Variants in MKNK1 observed in about 807,000 individuals in gnomAD.
MKNK1 encodes MAP kinase-interacting serine/threonine-protein kinase 1.
MKNK1 carries 30 observed loss-of-function variants against 49.3 expected under a neutral mutation model. That is an observed-to-expected ratio of 0.61 (90% confidence interval 0.46 to 0.83). The LOEUF (loss-of-function observed/expected upper bound fraction) is 0.83, where lower values mean the gene tolerates loss of function less well. Ranked by LOEUF, MKNK1 falls within the 40% of genes least tolerant of loss-of-function variation. The pLI, the probability that MKNK1 is intolerant of heterozygous loss-of-function variation, is 0.00. For synonymous variants in MKNK1, 176 were observed against 201.7 expected, an observed-to-expected ratio of 0.87 and a Z score of 1.08; for missense variants, 423 against 524.7, an observed-to-expected ratio of 0.81 and a Z score of 1.89.
rs750698262 is a variant in MKNK1, at chr1:46,594,128, A to T, written c.-18T>A. The T allele has an allele frequency of 1.9e-6, 3 of 1,610,966 alleles. No individual in the cohort carries two copies. The highest frequency in any genetic ancestry group is 2.5e-6 in the Non-Finnish European group (3 of 1,177,556). The stretch of plus-strand genomic sequence containing the variant: ...CCAATCTTACCTATAGGTTTTTCCA[A>T]CTTTTGAGAAGATACCATCTGTAAA... On this transcript the variant is annotated 5_prime_UTR_variant, in exon 2 of 13. In the 5' UTR this introduces an upstream ATG that the reference lacks. Transcript: ENST00000371945.
At chr1:46,562,915 G>T in intron 9 of MKNK1, 72 bp from the exon 10 acceptor site, 1 of 1,253,168 alleles carries the variant, frequency 8.0e-7, no homozygotes, top group Non-Finnish European at 1.1e-6. Context: ...AGAGGGGATG[G>T]CAGAGAGCAG....
At chr1:46,568,591 G>A (rs761142642) in intron 7 of MKNK1, 93 bp from the exon 8 acceptor site, 92 of 1,219,854 alleles carry the variant, frequency 7.5e-5, no homozygotes, top group South Asian at 2.1e-4. Context: ...GCTGTAGTTC[G>A]CAGATTAATT....
chr1:46,576,480 G>A, intron 5 of MKNK1, 95 bp downstream of exon 5: 1 of 1,024,946 alleles, frequency 9.8e-7, no homozygotes, highest in Non-Finnish European at 1.5e-6. Context: ...AGGAGTGAGA[G>A]CTAAATGCTG....
At chr1:46,584,872 C>T (rs1283285402) in intron 2 of MKNK1, 1 of 152,054 alleles carries the variant, frequency 6.6e-6, no homozygotes, top group Non-Finnish European at 1.5e-5. Context: ...AAAAGAAATC[C>T]ACAGAGCATC....
At chr1:46,568,599 A>C in intron 7 of MKNK1, 101 bp from the exon 8 acceptor site, 1 of 1,114,696 alleles carries the variant, frequency 9.0e-7, no homozygotes, top group Non-Finnish European at 1.3e-6. Context: ...TCGCAGATTA[A>C]TTCCCAATTA....
Position 46,560,249 on chromosome 1 carries a change from G to A in MKNK1, c.998C>T (p.Pro333Leu), listed in dbSNP as rs763925172. The change falls in exon 12 of 13, where the codon CCG (proline) becomes CTG (leucine). Residue 333 changes from proline to leucine, a missense_variant. By Grantham distance (98) the Pro-to-Leu change is moderately conservative. Transcript: ENST00000371945. ...GAGCATTTACCTCTGGAGGACTTGCGGCGTGGGGAGTCCCTTTTCTGGAGC... is the reference window on the plus strand; with the variant it reads ...GAGCATTTACCTCTGGAGGACTTGCAGCGTGGGGAGTCCCTTTTCTGGAGC... ...GQAPEKGLPT[P>L]QVLQRNSSTM... The A allele has an allele frequency of 1.9e-5, 31 of 1,613,996 alleles. No homozygotes were observed. The highest frequency in any genetic ancestry group is 2.4e-5 in the Non-Finnish European group (28 of 1,180,020).
intron 2 of MKNK1, among the ~76,000 whole-genome samples, chr1:46,591,317 T>C (rs893590441): frequency 2.6e-5 from 4 of 152,120 alleles, no homozygotes; most frequent in African/African-American, 7.2e-5. Flanking sequence ...TCCGCTGCAA[T>C]GAAACTGGCA....
In MKNK1 at chr1:46,576,577, G is replaced by T; in HGVS notation, c.276C>A (p.Asn92Lys). Reference protein sequence around the residue: ...EVETLYQCQGNKNILELIEFF... With the variant: ...EVETLYQCQGKKNILELIEFF... ...AGCGAGAATCACATGATACTCACTT[G>T]TTTCCCTGACACTGATACAGCGTCT... The change falls in exon 5 of 13, where the codon AAC becomes AAA. Residue 92 changes from asparagine (N) to lysine (K), a missense_variant and splice_region_variant. Asn to Lys is a moderately conservative substitution (Grantham distance 94, BLOSUM62 0). Transcript: ENST00000371945. The T allele has an allele frequency of 6.2e-7, 1 of 1,613,518 alleles. No homozygotes were observed. Among genetic ancestry groups the T allele is most frequent in the South Asian group, 1.1e-5 (1 of 91,058 alleles).
intron 8 of MKNK1, among the ~76,000 whole-genome samples, chr1:46,567,564 C>T (rs906574230): frequency 6.6e-6 from 1 of 152,194 alleles, no homozygotes; most frequent in East Asian, 1.9e-4. Flanking sequence ...GTCACAAGAT[C>T]TTATTTGAGC....
At chr1:46,571,541 TAAAAAGGAAA>T in intron 7 of MKNK1, 2 of 441,394 alleles carry the variant, frequency 4.5e-6, no homozygotes, top group Admixed American at 2.6e-5. Context: ...AGACTTTGTC[TAAAAAGGAAA>T]AAAAAGGAAA....
At chr1:46,597,902 A>C (rs531655418) in intron 1 of MKNK1, among the ~76,000 whole-genome samples, 1 of 152,348 alleles carries the variant, frequency 6.6e-6, no homozygotes, top group African/African-American at 2.4e-5. Context: ...AAGAGAAAGA[A>C]AAGAGGCATG....
At chr1:46,570,874 C>T (rs1670000893) in intron 7 of MKNK1, among the ~76,000 whole-genome samples, 1 of 152,188 alleles carries the variant, frequency 6.6e-6, no homozygotes, top group Non-Finnish European at 1.5e-5. Context: ...CATTTTTCAT[C>T]TATAAAAAGC....
intron 3 of MKNK1, chr1:46,582,972 T>C (rs761462388): frequency 4.7e-6 from 3 of 638,158 alleles, no homozygotes; most frequent in East Asian, 6.5e-5. Flanking sequence ...TGGGTCTTCC[T>C]GCTCCCTGAA....
In MKNK1 at chr1:46,561,523, C is replaced by T. The variant is rs1441121872; in HGVS notation, c.924G>A (p.Gln308=). The change falls in exon 11 of 13, where the codon CAG becomes CAA. Residue 308 remains glutamine (Q), a synonymous_variant. Coordinates refer to ENST00000371945, the MANE Select transcript of MKNK1 (RefSeq NM_001135553.4). Reference sequence around the variant, plus strand: ...GCAGAACTTGGGCGGCGCTAAGTCTCTGCTTTGCATCTCGCACCAGGAGCT... The same window carrying T: ...GCAGAACTTGGGCGGCGCTAAGTCTTTGCTTTGCATCTCGCACCAGGAGCT... ...ISKLLVRDAK[Q]RLSAAQVLQH... is the part of the protein sequence containing the mutation. 6.2e-7 allele frequency: 1 copy of T among 1,614,182 alleles called. No homozygotes were observed. Among genetic ancestry groups the T allele is most frequent in the Middle Eastern group, 1.7e-4 (1 of 6,060 alleles).
intron 3 of MKNK1, among the ~76,000 whole-genome samples, chr1:46,581,940 C>T (rs1264068658): frequency 6.6e-6 from 1 of 152,162 alleles, no homozygotes; most frequent in Non-Finnish European, 1.5e-5. Flanking sequence ...CTCATCCCCA[C>T]TCGGCCTCCA....
intron 3 of MKNK1, 54 bp downstream of exon 3, chr1:46,583,174 C>T (rs1352220610): frequency 2.1e-6 from 3 of 1,416,594 alleles, no homozygotes; most frequent in Non-Finnish European, 3.0e-6. Flanking sequence ...CCGGGATGCT[C>T]CTCCCATGCT....
chr1:46,603,392 C>T (rs1345326322), intron 1 of MKNK1, among the ~76,000 whole-genome samples: 1 of 152,194 alleles, frequency 6.6e-6, no homozygotes, highest in Non-Finnish European at 1.5e-5. Flanking sequence ...CTAAAGTACC[C>T]CAATCCAAAA....
chr1:46,580,377 G>A (rs1009337505), intron 4 of MKNK1, 153 bp downstream of exon 4: 5 of 625,112 alleles, frequency 8.0e-6, no homozygotes, highest in East Asian at 5.6e-5. Flanking sequence ...TAACTTGCCC[G>A]AGGTACACAG....
In MKNK1 at chr1:46,558,592, G is replaced by T. The variant is rs763574244; in HGVS notation, c.1222C>A (p.Pro408Thr). The T allele has an allele frequency of 1.2e-6, 2 of 1,611,552 alleles. No individual in the cohort carries two copies. Among genetic ancestry groups the T allele is most frequent in the South Asian group, 1.1e-5 (1 of 90,706 alleles). ...GGAGCATTTCAGAGTGCTGTGGGCG[G>T]GCTCCTGTCTTCACCACGGCCTGCC... The part of the protein sequence containing the change: ...AQAGRGEDRS[P>T]PTAL The change falls in exon 13 of 13, where the codon CCG becomes ACG. Residue 408 changes from proline (P) to threonine (T), a missense_variant. Pro to Thr is a conservative substitution (Grantham distance 38). Transcript: ENST00000371945.
Sources: gnomAD v4.1 joint callset for allele counts (sites outside exome capture counted in the v4.1 genomes callset) on GRCh38, gnomAD v4.1.1 for gene constraint, MANE v1.5 for transcripts, NCBI Gene and HGNC (gene_info 2026-07-23, HGNC 2026-07-21) for gene names.